Variants in HERC5 observed in about 807,000 individuals in gnomAD.
HERC5 encodes the protein HECT and RLD domain containing E3 ubiquitin protein ligase 5.
A neutral mutation model predicts 119.6 loss-of-function variants in HERC5; 99 were observed. The ratio of observed to expected loss-of-function variants is 0.83; its 90% CI spans 0.70 to 0.98. The LOEUF (loss-of-function observed/expected upper bound fraction) is 0.98. HERC5 is among the 50% of genes least tolerant of loss of function. The pLI is 0.00. For synonymous variants in HERC5, 478 were observed against 445.9 expected, an observed-to-expected ratio of 1.07 and a Z score of -0.91; for missense variants, 1,267 against 1,241.3, an observed-to-expected ratio of 1.02 and a Z score of -0.31.
In HERC5 at chr4:88,493,719, G is replaced by C. The variant is rs570786500; in HGVS notation, c.2278-446G>C. Among the ~76,000 whole-genome samples, 4 of 152,038 alleles carry C rather than the reference G, an allele frequency of 2.6e-5. No individual in the cohort carries two copies. The East Asian group carries it at 7.7e-4, about 29-fold the overall frequency. ...CCTCCCAAGCTCAAGCCATTCTCTT[G>C]CCTCAGCCTGGCGGGATTACAATAA... On this transcript the variant is annotated intron_variant, in intron 17 of 22. Transcript: ENST00000264350.
chr4:88,478,751 C>T (rs1248993238), intron 12 of HERC5, among the ~76,000 whole-genome samples: 1 of 151,944 alleles, frequency 6.6e-6, no homozygotes, highest in Non-Finnish European at 1.5e-5. Context: ...AGCTGGGCCA[C>T]AGACATGTGC....
rs1330058909 is a variant in HERC5, at chr4:88,504,236, G to A, written c.2587G>A (p.Asp863Asn). ...TAACATTTTGTTTTATTAAAGGAGA[G>A]ACTATGTTTCTAAGTATATCAATTA... ...SITVNQTNKR[D>N]YVSKYINYIF... The change falls in exon 21 of 23, where the codon GAC becomes AAC. Residue 863 changes from aspartate (D) to asparagine (N), a missense_variant. Around this residue, in one of 3 missense-constraint regions of HERC5, gnomAD observed 473 missense variants for 445.7 expected, o/e 1.06. Transcript: ENST00000264350. 6.3e-7 allele frequency: 1 copy of A among 1,582,448 alleles called. No individual in the cohort carries two copies. The highest frequency in any genetic ancestry group is 2.2e-5 in the East Asian group (1 of 44,480).
chr4:88,464,641 T>G (rs1443379865), intron 6 of HERC5, among the ~76,000 whole-genome samples: 1 of 151,908 alleles, frequency 6.6e-6, no homozygotes, highest in East Asian at 1.9e-4. Flanking sequence ...CAGGCTGGAG[T>G]GCAGTGACGC....
At chr4:88,493,973 C>A (rs1741729708) in intron 17 of HERC5, among the ~76,000 whole-genome samples, 192 bp from the exon 18 acceptor site, 1 of 138,472 alleles carries the variant, frequency 7.2e-6, no homozygotes, top group Non-Finnish European at 1.6e-5. Context: ...TTTGCCTTTA[C>A]TTTTAATGGC....
rs752345242 is a variant in HERC5 at position 88,470,617 on chromosome 4, A to G, written c.1242A>G (p.Glu414=). ...ETKRWQSTKR[E]IQEIFSSPAC... ...CAGTGTCTTATTACTAATATAGGGA[A>G]ATCCAAGAGATATTTTCATCTCCTG... Residue 414 remains glutamate (E), a synonymous_variant, in exon 10 of 23, where the codon GAA becomes GAG. Coordinates refer to ENST00000264350, the MANE Select transcript of HERC5 (RefSeq NM_016323.4). 5 of 1,506,226 alleles carry G rather than the reference A, an allele frequency of 3.3e-6. No individual in the cohort carries two copies. The highest frequency in any genetic ancestry group is 4.6e-6 in the Non-Finnish European group (5 of 1,087,630). 93.3% of individuals were successfully genotyped at this position (1,506,226 alleles called of 1,614,324 possible).
chr4:88,500,880 T>G, intron 19 of HERC5, 35 bp from the exon 20 acceptor site: 1 of 1,465,908 alleles, frequency 6.8e-7, no homozygotes, highest in Non-Finnish European at 9.5e-7. Flanking sequence ...CAGAATTATG[T>G]TGGAGATATT....
At chr4:88,499,904 A>G in intron 18 of HERC5, 22 bp from the exon 19 acceptor site, 1 of 1,556,716 alleles carries the variant, frequency 6.4e-7, no homozygotes, top group South Asian at 1.1e-5. Flanking sequence ...CCTTTTTAAA[A>G]GCAAGATTAT....
chr4:88,469,013 T>G (rs1740773624), intron 8 of HERC5, 144 bp from the exon 9 acceptor site: 1 of 579,304 alleles, frequency 1.7e-6, no homozygotes, highest in African/African-American at 1.9e-5. Context: ...ATTACTTATT[T>G]GTTGAGTATC....
chr4:88,472,266 C>T, intron 10 of HERC5, 143 bp from the exon 11 acceptor site: 1 of 606,840 alleles, frequency 1.6e-6, no homozygotes, highest in East Asian at 2.8e-5. Flanking sequence ...ATGTTTACTA[C>T]ATTGCATTTG....
chr4:88,501,046 T>G, intron 20 of HERC5, 61 bp downstream of exon 20: 36 of 1,158,846 alleles, frequency 3.1e-5, no homozygotes, highest in Non-Finnish European at 4.2e-5. Context: ...TACTGAGCTC[T>G]AAAAATTCCT....
At position 88,504,531 on chromosome 4, in the gene HERC5, C is replaced by A. The variant is rs1480787241; in HGVS notation, c.2803C>A (p.Pro935Thr). The A allele has an allele frequency of 5.1e-6, 8 of 1,577,236 alleles. No individual in the cohort carries two copies. The highest frequency in any genetic ancestry group is 6.9e-6 in the Non-Finnish European group (8 of 1,165,128). Reference protein sequence around the residue: ...RYEPGYNSSHPTIVMFWKAFH... With the variant: ...RYEPGYNSSHTTIVMFWKAFH... The stretch of plus-strand genomic sequence containing the variant: ...TGAACCAGGATATAACAGTTCACAT[C>A]CCACCATAGTGATGTTTTGGAAGGC... The change falls in exon 22 of 23, where the codon CCC (proline) becomes ACC (threonine). Residue 935 changes from proline to threonine, a missense_variant. By Grantham distance (38) the Pro-to-Thr change is conservative. Coordinates refer to ENST00000264350, the MANE Select transcript of HERC5 (RefSeq NM_016323.4).
chr4:88,476,067 C>T, intron 12 of HERC5, 37 bp downstream of exon 12: 1 of 1,519,264 alleles, frequency 6.6e-7, no homozygotes, highest in South Asian at 1.2e-5. Context: ...TACCTGTCTT[C>T]TCAGTGGAAA....
At chr4:88,486,343 A>T in intron 14 of HERC5, 115 bp downstream of exon 14, 1 of 597,310 alleles carries the variant, frequency 1.7e-6, no homozygotes. Context: ...AAACATTAAG[A>T]CTCCTCAAAA....
intron 19 of HERC5, among the ~76,000 whole-genome samples, 199 bp downstream of exon 19, chr4:88,500,191 G>A (rs1219123673): frequency 1.3e-5 from 2 of 152,154 alleles, no homozygotes; most frequent in Non-Finnish European, 2.9e-5. Context: ...TGCCCTAAAA[G>A]AACAAATACA....
At position 88,504,598 on chromosome 4, in the gene HERC5, G is replaced by A. The variant is rs1742052290; in HGVS notation, c.2869+1G>A. ...CTGGAAGAAAAGAAAAAATTCCTTG[G>A]TAAGTATTATATCAAGGAATAGATC... On this transcript the variant is annotated splice_donor_variant, in intron 22 of 22. Transcript: ENST00000264350. LOFTEE classifies it high-confidence loss of function. 3.3e-6 allele frequency: 5 copies of A among 1,523,150 alleles called. No individual in the cohort carries two copies. The highest frequency in any genetic ancestry group is 1.4e-5 in the African/African-American group (1 of 71,532). The allele number at this position is 1,523,150 out of a possible 1,614,324, so 94.4% of individuals were successfully genotyped here. A position where few individuals can be genotyped will look rare whatever the true frequency, so the allele number is the denominator to read the frequency against.
In HERC5 at chr4:88,475,324, C is replaced by CT. The variant is rs757780297; in HGVS notation, c.1393-499dup. 8.0e-3 allele frequency among the ~76,000 whole-genome samples: 993 copies of CT among 123,440 alleles called. 11 individuals carry two copies. Among genetic ancestry groups the CT allele is most frequent in the South Asian group, 0.039 (142 of 3,686 alleles). The allele number at this position is 123,440 out of a possible 152,430, so 81.0% of individuals were successfully genotyped here. ...CATGTTTTTTTCTTTTTCTTTCTTT[C>CT]TTTTTTTTTTTTTTTTTTGAGATGG... On this transcript the variant is annotated intron_variant, in intron 11 of 22. Transcript: ENST00000264350.
chr4:88,460,998 A>G (rs1740420981), intron 3 of HERC5, among the ~76,000 whole-genome samples: 1 of 152,208 alleles, frequency 6.6e-6, no homozygotes, highest in Admixed American at 6.5e-5. Flanking sequence ...TCAAAAAAAA[A>G]GAAACTTACT....
At chr4:88,473,195 C>T (rs1012792515) in intron 11 of HERC5, 5 of 151,494 alleles carry the variant, frequency 3.3e-5, no homozygotes, top group African/African-American at 4.8e-5. Context: ...TTATTATTTC[C>T]CTATTTTATT....
chr4:88,496,053 TAGC>T (rs1234764004), intron 18 of HERC5, among the ~76,000 whole-genome samples: 6 of 152,242 alleles, frequency 3.9e-5, no homozygotes, highest in African/African-American at 7.2e-5. Context: ...AAATATCTGT[TAGC>T]AGAGCATTCC....
Sources: gnomAD v4.1 joint callset for allele counts (sites outside exome capture counted in the v4.1 genomes callset) on GRCh38, gnomAD v4.1.1 for gene constraint, gnomAD v4.1.1 regional missense constraint, MANE v1.5 for transcripts, NCBI Gene and HGNC (gene_info 2026-07-23, HGNC 2026-07-21) for gene names.